The following RFX3 variants were observed in gnomAD, a reference collection of about 807,000 sequenced individuals.
The protein encoded by RFX3 is regulatory factor X3.
A neutral mutation model predicts 98.6 loss-of-function variants in RFX3; 14 were observed. The ratio of observed to expected loss-of-function variants is 0.14; its 90% CI spans 0.09 to 0.22. The LOEUF (loss-of-function observed/expected upper bound fraction) is 0.22. Ranked by LOEUF, RFX3 falls within the 10% of genes least tolerant of loss-of-function variation. RFX3 has a pLI of 1.00. For synonymous variants in RFX3, 383 were observed against 328.4 expected (o/e 1.17, Z -1.80); for missense variants, 639 against 926.9 (o/e 0.69, Z 4.03).
rs1159059849 is a variant in RFX3, at chr9:3,225,303, G to C, written c.2012-23C>G. On this transcript the variant is annotated intron_variant, in intron 16 of 16. Transcript: ENST00000617270. ...CATCTGCACAAACAAATAATACCAA[G>C]ACTATCATCGAAGACAAATTAGAAA... is the stretch of plus-strand genomic sequence containing the variant. 4 of 1,609,136 alleles carry C rather than the reference G, an allele frequency of 2.5e-6. No individual in the cohort carries two copies. In the South Asian group the frequency reaches 3.3e-5, roughly 13 times the overall value.
intron 15 of RFX3, among the ~76,000 whole-genome samples, chr9:3,243,906 G>T (rs755702967): frequency 1.3e-5 from 2 of 152,060 alleles, no homozygotes; most frequent in African/African-American, 2.4e-5. Flanking sequence ...CAGACTGCGT[G>T]GTTTCAGAAC....
At chr9:3,409,113 A>AT in intron 1 of RFX3, among the ~76,000 whole-genome samples, 1 of 152,236 alleles carries the variant, frequency 6.6e-6, no homozygotes, top group Middle Eastern at 3.2e-3. Context: ...TGGCCTACCC[A>AT]TGTAATATTC....
chr9:3,478,183 T>A (rs1251705256), intron 1 of RFX3, among the ~76,000 whole-genome samples: 1 of 152,182 alleles, frequency 6.6e-6, no homozygotes, highest in African/African-American at 2.4e-5. Flanking sequence ...TGTCTCTGTG[T>A]GTTTTATTTC....
intron 1 of RFX3, among the ~76,000 whole-genome samples, chr9:3,447,327 T>C (rs937828720): frequency 3.9e-5 from 6 of 152,116 alleles, no homozygotes; most frequent in Non-Finnish European, 4.4e-5. Flanking sequence ...CCATTAAGTA[T>C]AATCATTTTT....
intron 14 of RFX3, among the ~76,000 whole-genome samples, chr9:3,251,187 A>G (rs1339447373): frequency 6.6e-6 from 1 of 152,228 alleles, no homozygotes; most frequent in African/African-American, 2.4e-5. Context: ...AATGCTTAAG[A>G]TATAATTGCA....
intron 1 of RFX3, among the ~76,000 whole-genome samples, chr9:3,464,826 T>G (rs911620890): frequency 3.9e-5 from 6 of 152,210 alleles, no homozygotes; most frequent in African/African-American, 1.4e-4. Context: ...TGAAGACTTT[T>G]ATACTGGTGG....
intron 1 of RFX3, among the ~76,000 whole-genome samples, chr9:3,419,684 T>A (rs1843281063): frequency 6.6e-6 from 1 of 152,226 alleles, no homozygotes; most frequent in Non-Finnish European, 1.5e-5. Context: ...CCCCTGAGGA[T>A]ACAAAGATCC....
In RFX3 at chr9:3,248,025, C is replaced by G; in HGVS notation, c.1968+7G>C. On this transcript the variant is annotated splice_region_variant and intron_variant, in intron 15 of 16. Transcript: ENST00000617270. ...CAGTGGGTCACAGCTCTTTCAGCCTCTCTTACCTCGCCCATGACTGCTATA... is the reference window on the plus strand; with the variant it reads ...CAGTGGGTCACAGCTCTTTCAGCCTGTCTTACCTCGCCCATGACTGCTATA... The G allele has an allele frequency of 6.2e-7, 1 of 1,614,042 alleles. No homozygotes were observed. The highest frequency in any genetic ancestry group is 8.5e-7 in the Non-Finnish European group (1 of 1,179,934).
Position 3,238,905 on chromosome 9 carries a change from A to C in RFX3, c.1968+9127T>G, listed in dbSNP as rs541712489. On this transcript the variant is annotated intron_variant, in intron 15 of 16. Coordinates refer to ENST00000617270, the MANE Select transcript of RFX3 (RefSeq NM_001282116.2). ...CTACTCGGGAGGCTGAGGCAGGAGA[A>C]TCGCTTGAACCCGGGAGGCAGAGGC... 1.1e-4 allele frequency among the ~76,000 whole-genome samples: 16 copies of C among 152,006 alleles called. No homozygotes were observed. The East Asian group carries it at 2.7e-3, about 26-fold the overall frequency.
At chr9:3,362,043 T>G (rs989135377) in intron 2 of RFX3, among the ~76,000 whole-genome samples, 2 of 152,190 alleles carry the variant, frequency 1.3e-5, no homozygotes, top group African/African-American at 2.4e-5. Flanking sequence ...TGGTATAATT[T>G]GTAGGTAAGG....
At chr9:3,405,766 C>T (rs1025700298) in intron 1 of RFX3, among the ~76,000 whole-genome samples, 1 of 152,088 alleles carries the variant, frequency 6.6e-6, no homozygotes, top group African/African-American at 2.4e-5. Flanking sequence ...CACACAGATC[C>T]CTAGAGTTCA....
chr9:3,277,477 G>A lies in RFX3; in HGVS notation c.852-16C>T. On this transcript the variant is annotated splice_polypyrimidine_tract_variant and intron_variant, in intron 7 of 16. Coordinates refer to ENST00000617270, the MANE Select transcript of RFX3 (RefSeq NM_001282116.2). ...AGGCTTGTACCTAAAAATATTAGAT[G>A]GAAAAAAACAAATAAACCAAATTAT... is the stretch of plus-strand genomic sequence containing the variant. The A allele has an allele frequency of 6.2e-7, 1 of 1,605,556 alleles. No homozygotes were observed. The highest frequency in any genetic ancestry group is 8.5e-7 in the Non-Finnish European group (1 of 1,174,936).
At chr9:3,404,811 T>G (rs753021762) in intron 1 of RFX3, among the ~76,000 whole-genome samples, 7 of 152,162 alleles carry the variant, frequency 4.6e-5, no homozygotes, top group Admixed American at 3.3e-4. Flanking sequence ...AACTCTTCTT[T>G]TTCCTTGATA....
intron 1 of RFX3, among the ~76,000 whole-genome samples, chr9:3,484,002 A>G (rs920840277): frequency 6.6e-6 from 1 of 152,204 alleles, no homozygotes; most frequent in Non-Finnish European, 1.5e-5. Flanking sequence ...TACCAAATAT[A>G]TATATAACAT....
At chr9:3,406,097 T>C (rs1288845236) in intron 1 of RFX3, among the ~76,000 whole-genome samples, 2 of 151,956 alleles carry the variant, frequency 1.3e-5, no homozygotes, top group African/African-American at 2.4e-5. Flanking sequence ...GCTGGGACCA[T>C]GTGCACATGC....
intron 5 of RFX3, among the ~76,000 whole-genome samples, chr9:3,298,543 C>T (rs1828275470): frequency 6.6e-6 from 1 of 151,780 alleles, no homozygotes; most frequent in Non-Finnish European, 1.5e-5. Context: ...ACTAGGGATG[C>T]ACTGGTGAAC....
chr9:3,379,594 G>A (rs574107304), intron 2 of RFX3, among the ~76,000 whole-genome samples: 2 of 152,110 alleles, frequency 1.3e-5, no homozygotes, highest in African/African-American at 4.8e-5. Flanking sequence ...GTTATAATGT[G>A]GTTATTCAGC....
At chr9:3,265,220 C>T (rs1161861991) in intron 12 of RFX3, among the ~76,000 whole-genome samples, 1 of 152,150 alleles carries the variant, frequency 6.6e-6, no homozygotes, top group Non-Finnish European at 1.5e-5. Context: ...TTTCATTTCA[C>T]TTAATTTAAA....
intron 1 of RFX3, among the ~76,000 whole-genome samples, chr9:3,493,552 C>T (rs1269919926): frequency 2.0e-5 from 3 of 151,530 alleles, no homozygotes; most frequent in Admixed American, 2.0e-4. Context: ...GGCGTGGTGG[C>T]ACGCGCCTGT....
Sources: gnomAD v4.1 joint callset for allele counts (sites outside exome capture counted in the v4.1 genomes callset) on GRCh38, gnomAD v4.1.1 for gene constraint, MANE v1.5 for transcripts, NCBI Gene and HGNC (gene_info 2026-07-23, HGNC 2026-07-21) for gene names.